IL1RL1: variants seen among roughly 807,000 people sequenced by gnomAD.
The protein encoded by IL1RL1 is interleukin 1 receptor like 1.
IL1RL1 carries 32 observed loss-of-function variants against 50.9 expected under a neutral mutation model. The observed-to-expected ratio is 0.63, with a 90% confidence interval of 0.47 to 0.84. IL1RL1 has a LOEUF of 0.84. Among genes scored for constraint, IL1RL1 ranks in the 40% least tolerant of loss-of-function variants. The probability of loss-of-function intolerance (pLI) is 0.00; values close to 1 mark genes in which losing one functional copy is unlikely to be tolerated. For missense variants in IL1RL1, 773 were observed against 662.9 expected, an observed-to-expected ratio of 1.17 and a Z score of -1.82; for synonymous variants, 275 against 236.0, an observed-to-expected ratio of 1.17 and a Z score of -1.51.
intron 8 of IL1RL1, 180 bp downstream of exon 8, chr2:102,343,595 G>A (rs1677668771): frequency 6.8e-7 from 1 of 1,475,500 alleles, no homozygotes; most frequent in Non-Finnish European, 8.9e-7. Context: ...TGTTTGCTGG[G>A]AGCTTCTCTG....
intron 1 of IL1RL1, among the ~76,000 whole-genome samples, chr2:102,314,218 A>C (rs1285284467): frequency 6.6e-6 from 1 of 152,184 alleles, no homozygotes; most frequent in African/African-American, 2.4e-5. Flanking sequence ...CTTTCCACAC[A>C]CCACATCCTG....
At chr2:102,337,370 TAAGAA>T (rs1164353545) in intron 1 of IL1RL1, 3 of 152,374 alleles carry the variant, frequency 2.0e-5, no homozygotes, top group Non-Finnish European at 4.4e-5. Context: ...AAATTTGTAA[TAAGAA>T]AAGTCTTCAT....
intron 8 of IL1RL1, chr2:102,345,171 C>G: frequency 1.1e-6 from 1 of 943,936 alleles, no homozygotes; most frequent in Non-Finnish European, 1.3e-6. Context: ...ATCACTATGC[C>G]CAGACAATGT....
intron 1 of IL1RL1, among the ~76,000 whole-genome samples, chr2:102,329,377 A>G (rs1176987715): frequency 2.0e-5 from 3 of 152,246 alleles, no homozygotes; most frequent in Non-Finnish European, 4.4e-5. Flanking sequence ...ACCTAAAACC[A>G]TAAAAACCCT....
intron 1 of IL1RL1, among the ~76,000 whole-genome samples, chr2:102,331,311 G>A (rs1677172157): frequency 6.6e-6 from 1 of 152,100 alleles, no homozygotes; most frequent in African/African-American, 2.4e-5. Context: ...ACTGACCTCA[G>A]GACAAAAGAT....
At chr2:102,344,361 T>C in intron 8 of IL1RL1, 1 of 958,892 alleles carries the variant, frequency 1.0e-6, no homozygotes, top group Non-Finnish European at 1.2e-6. Context: ...ATTATCATTG[T>C]TAAACTTTGT....
chr2:102,336,527 C>G (rs1032688748), intron 1 of IL1RL1, among the ~76,000 whole-genome samples: 1 of 152,134 alleles, frequency 6.6e-6, no homozygotes, highest in African/African-American at 2.4e-5. Flanking sequence ...ATAGGGTCAT[C>G]GCAACTATGC....
chr2:102,322,726 C>G (rs767563758), intron 1 of IL1RL1, among the ~76,000 whole-genome samples: 2 of 152,118 alleles, frequency 1.3e-5, no homozygotes, highest in African/African-American at 2.4e-5. Context: ...AATCATATCC[C>G]CCATGTATCA....
chr2:102,327,602 C>T lies in IL1RL1; in HGVS notation c.-149-10514C>T, dbSNP rs1014392857. Among the ~76,000 whole-genome samples the T allele has an allele frequency of 1.2e-4, 18 of 151,964 alleles. 1 individual carries two copies. Among genetic ancestry groups the T allele is most frequent in the Middle Eastern group, 3.4e-3 (1 of 294 alleles). ...GAAAAGATCAACAAAATTGATAGAC[C>T]GCTAGCAAGACTAATAAAGAAGAAA... is the stretch of plus-strand genomic sequence containing the variant. On this transcript the variant is annotated intron_variant, in intron 1 of 10. Coordinates refer to ENST00000233954, the MANE Select transcript of IL1RL1 (RefSeq NM_016232.5).
At chr2:102,339,556 T>C (rs1305555093) in intron 3 of IL1RL1, 1 of 155,496 alleles carries the variant, frequency 6.4e-6, no homozygotes, top group Non-Finnish European at 1.4e-5. Flanking sequence ...GTCAAATGAA[T>C]TAAATCAAAA....
intron 1 of IL1RL1, among the ~76,000 whole-genome samples, chr2:102,314,608 C>T (rs75126400): frequency 0.029 from 4,449 of 152,290 alleles, 231 homozygotes; most frequent in African/African-American, 0.1. Flanking sequence ...GTGTGGATAT[C>T]AGTGGCCAAT....
chr2:102,314,409 C>G (rs1300927071), intron 1 of IL1RL1, among the ~76,000 whole-genome samples: 2 of 152,212 alleles, frequency 1.3e-5, no homozygotes, highest in East Asian at 3.9e-4. Flanking sequence ...TGTGTCTGAG[C>G]CCTGGGTAGA....
At chr2:102,350,517 C>T (rs1352344332) in intron 10 of IL1RL1, among the ~76,000 whole-genome samples, 1 of 152,278 alleles carries the variant, frequency 6.6e-6, no homozygotes, top group African/African-American at 2.4e-5. Context: ...AAACTTCACT[C>T]TTCACTTAGG....
At chr2:102,334,792 A>G (rs1020296523) in intron 1 of IL1RL1, among the ~76,000 whole-genome samples, 1 of 152,220 alleles carries the variant, frequency 6.6e-6, no homozygotes, top group Non-Finnish European at 1.5e-5. Context: ...TGCTAAGTCA[A>G]ATGAAGAAGT....
intron 1 of IL1RL1, 135 bp downstream of exon 1, chr2:102,311,758 TAA>T (rs1223942710): frequency 4.1e-5 from 5 of 121,560 alleles, no homozygotes; most frequent in Non-Finnish European, 8.1e-5. Flanking sequence ...TAATAATATA[TAA>T]TATATATAAT....
chr2:102,314,298 T>G (rs572325475), intron 1 of IL1RL1, among the ~76,000 whole-genome samples: 2 of 152,296 alleles, frequency 1.3e-5, no homozygotes, highest in Admixed American at 6.5e-5. Flanking sequence ...ATCTTGTACT[T>G]CCAACCAATG....
intron 5 of IL1RL1, chr2:102,341,287 G>A (rs1347896570): frequency 8.0e-7 from 1 of 1,256,200 alleles, no homozygotes; most frequent in Non-Finnish European, 1.0e-6. Flanking sequence ...GTATACTATG[G>A]TGTACATAAA....
intron 1 of IL1RL1, among the ~76,000 whole-genome samples, chr2:102,328,715 A>G (rs1322972106): frequency 1.3e-5 from 2 of 152,218 alleles, no homozygotes; most frequent in African/African-American, 4.8e-5. Context: ...AAACAGCCAA[A>G]TCATGAGTGA....
At position 102,320,203 on chromosome 2, in the gene IL1RL1, C is replaced by T. The variant is rs565760961; in HGVS notation, c.-150+8580C>T. 2.6e-5 allele frequency among the ~76,000 whole-genome samples: 4 copies of T among 152,296 alleles called. No individual in the cohort carries two copies. The East Asian group carries it at 5.8e-4, about 22-fold the overall frequency. ...ATCGCACAGCTTTGGTTTGTGTTTACTCCAGTGTCGTCTTTAAGGTGGTGA... is the reference window on the plus strand; with the variant it reads ...ATCGCACAGCTTTGGTTTGTGTTTATTCCAGTGTCGTCTTTAAGGTGGTGA... On this transcript the variant is annotated intron_variant, in intron 1 of 10. Coordinates refer to ENST00000233954, the MANE Select transcript of IL1RL1 (RefSeq NM_016232.5).
Sources: allele counts gnomAD v4.1 joint callset (sites outside exome capture counted in the v4.1 genomes callset), GRCh38; gene constraint gnomAD v4.1.1; transcripts MANE v1.5; gene names NCBI Gene and HGNC (gene_info 2026-07-23, HGNC 2026-07-21).